CDKAL1: variants seen among roughly 807,000 people sequenced by gnomAD.
CDKAL1 encodes CDKAL1 threonylcarbamoyladenosine tRNA methylthiotransferase.
In CDKAL1, 32 loss-of-function variants were observed where a neutral mutation model predicts 68.2. The observed-to-expected ratio is 0.47, with a 90% CI of 0.35 to 0.63. The LOEUF (loss-of-function observed/expected upper bound fraction) is 0.63, where lower values mean the gene tolerates loss of function less well. Ranked by LOEUF, CDKAL1 falls within the 30% of genes least tolerant of loss-of-function variation. The probability of loss-of-function intolerance (pLI) is 0.00; values close to 1 mark genes in which losing one functional copy is unlikely to be tolerated. For missense variants in CDKAL1, 606 were observed against 696.7 expected (o/e 0.87, Z 1.47); for synonymous variants, 234 against 244.3 (o/e 0.96, Z 0.39).
chr6:21,194,582 G>A (rs1778391224), intron 13 of CDKAL1, among the ~76,000 whole-genome samples: 1 of 152,170 alleles, frequency 6.6e-6, no homozygotes, highest in African/African-American at 2.4e-5. Context: ...TACTCAGATA[G>A]CAGAGGCACT....
rs141585703 is a variant in CDKAL1, at chr6:20,988,621, G to A, written c.910-11606G>A. 6.4e-3 allele frequency among the ~76,000 whole-genome samples: 975 copies of A among 152,008 alleles called. 12 individuals are homozygous for A. The highest frequency in any genetic ancestry group is 0.021 in the African/African-American group (875 of 41,470). On this transcript the variant is annotated intron_variant, in intron 10 of 15. Coordinates refer to ENST00000274695, the MANE Select transcript of CDKAL1 (RefSeq NM_017774.3). ...GGAGTTAGGGGGGAAAAGAGACTGA[G>A]AGAATCACTGGTTTTTTTGTTTCTA...
intron 7 of CDKAL1, among the ~76,000 whole-genome samples, chr6:20,769,257 C>CTTT (rs371966986): frequency 0.38 from 43,585 of 114,902 alleles, 10,255 homozygotes; most frequent in South Asian, 0.47. Flanking sequence ...TTGTGATCAT[C>CTTT]TTTTTTTTTT....
chr6:20,565,932 A>G (rs761094321), intron 4 of CDKAL1, among the ~76,000 whole-genome samples: 20 of 152,100 alleles, frequency 1.3e-4, no homozygotes, highest in Non-Finnish European at 2.6e-4. Context: ...TAAATGATTT[A>G]ATGCTTTCAG....
At chr6:21,098,796 C>T (rs996050218) in intron 12 of CDKAL1, among the ~76,000 whole-genome samples, 1 of 151,852 alleles carries the variant, frequency 6.6e-6, no homozygotes, top group Non-Finnish European at 1.5e-5. Context: ...GAGATGGTGG[C>T]GGAGGCATTC....
At chr6:20,769,226 T>G (rs1352265445) in intron 7 of CDKAL1, among the ~76,000 whole-genome samples, 5 of 151,104 alleles carry the variant, frequency 3.3e-5, no homozygotes, top group Non-Finnish European at 7.4e-5. Flanking sequence ...AATTTGTATA[T>G]TTAAGATGTC....
Position 21,002,327 on chromosome 6 carries a change from T to C in CDKAL1, c.1055+1955T>C, listed in dbSNP as rs574564349. On this transcript the variant is annotated intron_variant, in intron 11 of 15. Transcript: ENST00000274695. ...ATGTTTCCCAGGGATCTCTAGTATT[T>C]CTAGCAATGAAAATATTAGACATAC... Among the ~76,000 whole-genome samples the C allele has an allele frequency of 9.9e-5, 15 of 152,262 alleles. No individual in the cohort carries two copies. The East Asian group carries it at 2.9e-3, about 29-fold the overall frequency.
chr6:20,565,745 C>T (rs1461121271), intron 4 of CDKAL1, among the ~76,000 whole-genome samples: 1 of 151,846 alleles, frequency 6.6e-6, no homozygotes, highest in East Asian at 1.9e-4. Flanking sequence ...CTATGAGTAG[C>T]ATAAAAAATA....
intron 5 of CDKAL1, among the ~76,000 whole-genome samples, chr6:20,712,173 A>G (rs954360413): frequency 2.6e-5 from 4 of 152,206 alleles, no homozygotes; most frequent in African/African-American, 9.7e-5. Flanking sequence ...AGTAGAGGCC[A>G]GTAGGAGATG....
chr6:20,797,833 T>C (rs1448268866), intron 8 of CDKAL1, among the ~76,000 whole-genome samples: 1 of 150,512 alleles, frequency 6.6e-6, no homozygotes, highest in African/African-American at 2.4e-5. Context: ...TATTTTTTCT[T>C]GGAGACAGGG....
intron 12 of CDKAL1, among the ~76,000 whole-genome samples, chr6:21,074,744 T>C (rs746855517): frequency 1.3e-5 from 2 of 152,174 alleles, no homozygotes; most frequent in Non-Finnish European, 2.9e-5. Context: ...TAGAATTCAC[T>C]AAAATATAAT....
intron 7 of CDKAL1, among the ~76,000 whole-genome samples, chr6:20,766,064 A>G (rs981830831): frequency 6.6e-6 from 1 of 152,196 alleles, no homozygotes; most frequent in African/African-American, 2.4e-5. Flanking sequence ...GCCTAAATGA[A>G]TCCCCCAAGT....
chr6:20,854,565 T>G (rs1336404147), intron 9 of CDKAL1, among the ~76,000 whole-genome samples: 1 of 152,230 alleles, frequency 6.6e-6, no homozygotes, highest in Non-Finnish European at 1.5e-5. Context: ...AAGAGAGGTT[T>G]GCTGATAATG....
chr6:20,974,985 A>G (rs1254847698), intron 10 of CDKAL1, among the ~76,000 whole-genome samples: 2 of 149,356 alleles, frequency 1.3e-5, no homozygotes, highest in Non-Finnish European at 3.0e-5. Flanking sequence ...TCTCAAAAAA[A>G]AAAAAAAAAA....
At chr6:20,922,422 T>G (rs574431094) in intron 9 of CDKAL1, among the ~76,000 whole-genome samples, 1 of 152,296 alleles carries the variant, frequency 6.6e-6, no homozygotes, top group East Asian at 1.9e-4. Flanking sequence ...TGAACTCACC[T>G]AAGACGCATA....
chr6:20,648,060 G>A (rs1316440453), intron 4 of CDKAL1, among the ~76,000 whole-genome samples: 1 of 147,014 alleles, frequency 6.8e-6, no homozygotes, highest in Non-Finnish European at 1.5e-5. Flanking sequence ...GGGTGACAGA[G>A]CGAGACTCTG....
chr6:20,712,444 T>G (rs1207203530), intron 5 of CDKAL1, among the ~76,000 whole-genome samples: 1 of 151,410 alleles, frequency 6.6e-6, no homozygotes, highest in Non-Finnish European at 1.5e-5. Flanking sequence ...AGGACTATTT[T>G]AAGGAAAGTT....
chr6:21,133,704 C>G (rs1775439358), intron 13 of CDKAL1, among the ~76,000 whole-genome samples: 1 of 152,114 alleles, frequency 6.6e-6, no homozygotes. Context: ...ATTCATCTTG[C>G]AAAACAGTCA....
intron 5 of CDKAL1, among the ~76,000 whole-genome samples, chr6:20,720,118 C>T (rs187003028): frequency 2.6e-4 from 40 of 152,160 alleles, no homozygotes; most frequent in African/African-American, 8.9e-4. Flanking sequence ...GGATTGGCTT[C>T]CTTATGGCAT....
chr6:20,967,737 GTCCTT>G (rs748371377), intron 10 of CDKAL1, among the ~76,000 whole-genome samples: 2 of 152,204 alleles, frequency 1.3e-5, no homozygotes, highest in South Asian at 2.1e-4. Flanking sequence ...GGATTGGAGA[GTCCTT>G]TCATTTCAGC....
Sources: gnomAD v4.1 joint callset for allele counts (sites outside exome capture counted in the v4.1 genomes callset) on GRCh38, gnomAD v4.1.1 for gene constraint, MANE v1.5 for transcripts, NCBI Gene and HGNC (gene_info 2026-07-23, HGNC 2026-07-21) for gene names.